Variants in ELMOD1 observed in about 807,000 individuals in gnomAD.
ELMOD1 encodes ELMO domain-containing protein 1.
Under a neutral mutation model 46.7 loss-of-function variants are expected in ELMOD1, and 21 were observed. The observed-to-expected ratio is 0.45, with a 90% CI of 0.32 to 0.65. The LOEUF is 0.65. ELMOD1 is among the 30% of genes least tolerant of loss of function. The pLI is 0.04. For synonymous variants in ELMOD1, 122 were observed against 138.2 expected (o/e 0.88, Z 0.82); for missense variants, 348 against 407.8 (o/e 0.85, Z 1.26).
At chr11:107,601,237 CTT>C (rs558963301) in intron 1 of ELMOD1, among the ~76,000 whole-genome samples, 95 of 152,096 alleles carry the variant, frequency 6.2e-4, no homozygotes, top group African/African-American at 2.1e-3. Flanking sequence ...ATCCCTCTCT[CTT>C]ATACATGTTT....
At position 107,640,682 on chromosome 11, in the gene ELMOD1, G is replaced by A. The variant is rs1006570401; in HGVS notation, c.420+4917G>A. Among the ~76,000 whole-genome samples the A allele has an allele frequency of 5.3e-5, 8 of 152,088 alleles. No homozygotes were observed. The South Asian group carries it at 1.7e-3, about 31-fold the overall frequency. On this transcript the variant is annotated intron_variant, in intron 6 of 11. Transcript: ENST00000265840. ...TTCCTCATGTTAAATCTGTTCAAAA[G>A]AAGGATTTAAATACTTTGGTCACAA...
intron 2 of ELMOD1, chr11:107,623,773 A>G (rs1159765901): frequency 6.6e-6 from 1 of 152,152 alleles, no homozygotes; most frequent in Non-Finnish European, 1.5e-5. Flanking sequence ...GGGAGGTCAT[A>G]TGGCTTGCTG....
At chr11:107,631,510 C>T in intron 4 of ELMOD1, 70 bp from the exon 5 acceptor site, 1 of 829,368 alleles carries the variant, frequency 1.2e-6, no homozygotes, top group Non-Finnish European at 1.7e-6. Context: ...TTTGAAGCCT[C>T]TATCCCAGTA....
chr11:107,599,533 G>A (rs535678218), intron 1 of ELMOD1, among the ~76,000 whole-genome samples: 3 of 151,986 alleles, frequency 2.0e-5, no homozygotes, highest in African/African-American at 7.3e-5. Flanking sequence ...CTTGAGGCCA[G>A]GAGTTCAAGA....
chr11:107,627,592 T>C (rs1866064561), intron 2 of ELMOD1, among the ~76,000 whole-genome samples: 2 of 152,222 alleles, frequency 1.3e-5, no homozygotes, highest in Admixed American at 1.3e-4. Context: ...TGGGAGAAAT[T>C]AGAGTTGGGC....
intron 1 of ELMOD1, among the ~76,000 whole-genome samples, chr11:107,612,071 G>A (rs951246555): frequency 3.1e-4 from 47 of 152,134 alleles, no homozygotes; most frequent in African/African-American, 8.0e-4. Flanking sequence ...GCATATGTTC[G>A]TCACAGCATA....
At chr11:107,603,771 G>C (rs1276507556) in intron 1 of ELMOD1, among the ~76,000 whole-genome samples, 5 of 151,876 alleles carry the variant, frequency 3.3e-5, no homozygotes, top group African/African-American at 1.2e-4. Context: ...CCAGCTACTC[G>C]GGAGGCTGAG....
chr11:107,617,305 T>C (rs1365396615), intron 1 of ELMOD1, among the ~76,000 whole-genome samples: 1 of 152,242 alleles, frequency 6.6e-6, no homozygotes, highest in Admixed American at 6.5e-5. Context: ...CTTTTTCGAA[T>C]GTATATTCGT....
chr11:107,637,751 G>A (rs898917760), intron 6 of ELMOD1, among the ~76,000 whole-genome samples: 3 of 151,864 alleles, frequency 2.0e-5, no homozygotes, highest in South Asian at 2.1e-4. Flanking sequence ...GCACCCTAAG[G>A]TATCTTTGAA....
At chr11:107,621,547 A>G (rs1242184341) in intron 2 of ELMOD1, among the ~76,000 whole-genome samples, 1 of 152,220 alleles carries the variant, frequency 6.6e-6, no homozygotes, top group Non-Finnish European at 1.5e-5. Context: ...AGCAAATGTA[A>G]TTAAGTAAGA....
intron 5 of ELMOD1, among the ~76,000 whole-genome samples, chr11:107,632,230 C>T (rs116171411): frequency 1.1e-3 from 171 of 152,254 alleles, no homozygotes; most frequent in African/African-American, 3.8e-3. Flanking sequence ...TGGCAATGTT[C>T]GTGACATTTA....
intron 6 of ELMOD1, chr11:107,643,878 A>G (rs532514188): frequency 4.6e-6 from 1 of 217,042 alleles, no homozygotes; most frequent in Non-Finnish European, 9.7e-6. Context: ...CCACAGTGCC[A>G]TCATCTGAAG....
At chr11:107,641,105 A>C (rs925952659) in intron 6 of ELMOD1, among the ~76,000 whole-genome samples, 19 of 152,172 alleles carry the variant, frequency 1.2e-4, no homozygotes, top group Non-Finnish European at 1.9e-4. Context: ...CAGCCTGGCC[A>C]ACATGGTGAA....
chr11:107,653,687 T>C (rs1049232434), intron 9 of ELMOD1: 1 of 151,306 alleles, frequency 6.6e-6, no homozygotes, highest in African/African-American at 2.4e-5. Flanking sequence ...TTTTACTAAC[T>C]CAATCATTTA....
At chr11:107,604,625 A>G (rs1047331858) in intron 1 of ELMOD1, among the ~76,000 whole-genome samples, 1 of 152,226 alleles carries the variant, frequency 6.6e-6, no homozygotes, top group South Asian at 2.1e-4. Context: ...ACATAAAATA[A>G]TGGTGAATTC....
At chr11:107,658,064 G>A (rs189186994) in intron 11 of ELMOD1, among the ~76,000 whole-genome samples, 55 of 152,282 alleles carry the variant, frequency 3.6e-4, no homozygotes, top group Admixed American at 3.6e-3. Context: ...GCTGGGGTGA[G>A]TGAGCGGGAG....
chr11:107,643,446 T>C (rs1324174298), intron 6 of ELMOD1: 13 of 249,198 alleles, frequency 5.2e-5, no homozygotes, highest in Non-Finnish European at 8.5e-5. Context: ...TATAGATGAT[T>C]CCTTTATACT....
chr11:107,635,071 T>C (rs138466729), intron 5 of ELMOD1, among the ~76,000 whole-genome samples: 27 of 152,340 alleles, frequency 1.8e-4, no homozygotes, highest in African/African-American at 6.5e-4. Context: ...GGTGTTGTTA[T>C]TGTTATTTTG....
chr11:107,640,397 A>G (rs1866301592), intron 6 of ELMOD1, among the ~76,000 whole-genome samples: 1 of 152,192 alleles, frequency 6.6e-6, no homozygotes, highest in African/African-American at 2.4e-5. Flanking sequence ...GTCAACATTC[A>G]TTTCACTGTG....
Sources: allele counts gnomAD v4.1 joint callset (sites outside exome capture counted in the v4.1 genomes callset), GRCh38; gene constraint gnomAD v4.1.1; transcripts MANE v1.5; gene names NCBI Gene and HGNC (gene_info 2026-07-23, HGNC 2026-07-21).